PARD3B: variants seen among roughly 807,000 people sequenced by gnomAD.
PARD3B encodes the protein par-3 family cell polarity regulator beta, also known as partitioning defective 3 homolog B.
A neutral mutation model predicts 130.2 loss-of-function variants in PARD3B; 103 were observed. The observed-to-expected ratio is 0.79, with a 90% CI of 0.67 to 0.93. PARD3B has a LOEUF of 0.93. Among genes scored for constraint, PARD3B ranks in the 40% least tolerant of loss-of-function variants. The pLI, the probability that PARD3B is intolerant of heterozygous loss-of-function variation, is 0.00. For synonymous variants in PARD3B, 583 were observed against 553.2 expected (o/e 1.05, Z -0.76); for missense variants, 1,609 against 1,499.2 (o/e 1.07, Z -1.21).
intron 18 of PARD3B, among the ~76,000 whole-genome samples, chr2:205,385,434 G>T (rs1176020366): frequency 6.6e-6 from 1 of 152,220 alleles, no homozygotes; most frequent in Non-Finnish European, 1.5e-5. Context: ...CAAAAACTGT[G>T]TCATTATTTA....
At position 205,059,747 on chromosome 2, in the gene PARD3B, G is replaced by A. The variant is rs548583419; in HGVS notation, c.504+12057G>A. Among the ~76,000 whole-genome samples the A allele has an allele frequency of 3.9e-5, 6 of 152,062 alleles. No homozygotes were observed. The South Asian group carries it at 6.2e-4, about 16-fold the overall frequency. ...AGGAATGGGGGAATTTTCTAATCAC[G>A]ATTGCTCATTTCAACCATGAAGCAA... On this transcript the variant is annotated intron_variant, in intron 4 of 22. Coordinates refer to ENST00000406610, the MANE Select transcript of PARD3B (RefSeq NM_001302769.2).
chr2:204,808,851 A>T (rs2042865366), intron 2 of PARD3B, among the ~76,000 whole-genome samples: 1 of 152,140 alleles, frequency 6.6e-6, no homozygotes, highest in African/African-American at 2.4e-5. Context: ...TATACCCAGT[A>T]ATGGGATTGC....
At chr2:205,392,681 C>T (rs908087019) in intron 18 of PARD3B, among the ~76,000 whole-genome samples, 1 of 152,152 alleles carries the variant, frequency 6.6e-6, no homozygotes, top group East Asian at 1.9e-4. Flanking sequence ...CTTGTGTACA[C>T]ATCCTACAAG....
rs2047904140 is a variant in PARD3B, at chr2:205,446,271, G to A, written c.3044+5599G>A. Among the ~76,000 whole-genome samples the A allele has an allele frequency of 6.6e-6, 1 of 152,162 alleles. No individual in the cohort carries two copies. On this transcript the variant is annotated intron_variant, in intron 20 of 22. Transcript: ENST00000406610. This position sits in a 1 kb window ranked among gnomAD's most constrained non-coding sequence, Gnocchi z 4.4. ...AGAGTTTGGACTCTATCCTGAGGGA[G>A]GTGGGGCAGGGTTTGGGTTGGAGAA... is the stretch of plus-strand genomic sequence containing the variant.
At chr2:204,547,905 A>C (rs1420139874) in intron 1 of PARD3B, among the ~76,000 whole-genome samples, 2 of 152,138 alleles carry the variant, frequency 1.3e-5, no homozygotes, top group African/African-American at 4.8e-5. Flanking sequence ...ATCACAGAAC[A>C]ATGTAGTTGC....
chr2:204,761,520 A>C lies in PARD3B; in HGVS notation c.222+75238A>C, dbSNP rs923968462. On this transcript the variant is annotated intron_variant, in intron 2 of 22. Coordinates refer to ENST00000406610, the MANE Select transcript of PARD3B (RefSeq NM_001302769.2). ...TTGTGTGGCCACTTCTGGGTTGGCTATATTTTCCCATTTATTAAATTCACC... is the reference window on the plus strand; with the variant it reads ...TTGTGTGGCCACTTCTGGGTTGGCTCTATTTTCCCATTTATTAAATTCACC... Among the ~76,000 whole-genome samples, 3 of 151,756 alleles carry C rather than the reference A, an allele frequency of 2.0e-5. No homozygotes were observed. The East Asian group carries it at 5.8e-4, about 29-fold the overall frequency.
At chr2:204,703,475 A>C (rs1011097429) in intron 2 of PARD3B, among the ~76,000 whole-genome samples, 1 of 152,214 alleles carries the variant, frequency 6.6e-6, no homozygotes, top group African/African-American at 2.4e-5. Context: ...TCTTGTAAAA[A>C]TACAGAAAAG....
rs1028460935 is a variant in PARD3B at position 204,623,042 on chromosome 2, C to T, written c.121-63139C>T. Among the ~76,000 whole-genome samples, 5 of 152,030 alleles carry T rather than the reference C, an allele frequency of 3.3e-5. No individual in the cohort carries two copies. Among genetic ancestry groups the T allele is most frequent in the African/African-American group, 7.2e-5 (3 of 41,436 alleles). ...AGAGATGGCAGACTATAAATTGGAT[C>T]TTGAATTCTGAATTACTAGAATAAA... On this transcript the variant is annotated intron_variant, in intron 1 of 22. Transcript: ENST00000406610. The surrounding 1 kb of genome is among the most constrained non-coding windows in gnomAD (Gnocchi z 4.5).
At chr2:204,861,162 TTCTCTCTCTCTCTCTC>T (rs60740602) in intron 2 of PARD3B, among the ~76,000 whole-genome samples, 7,881 of 91,404 alleles carry the variant, frequency 0.086, 293 homozygotes, top group Middle Eastern at 0.12. Flanking sequence ...CCTAATACCT[TTCTCTCTCTCTCTCTC>T]TCTCTCTCTC....
chr2:204,668,486 T>C (rs967771682), intron 1 of PARD3B, among the ~76,000 whole-genome samples: 5 of 152,206 alleles, frequency 3.3e-5, no homozygotes. Flanking sequence ...TGAATTTGAC[T>C]CAACGTTTCC....
intron 3 of PARD3B, among the ~76,000 whole-genome samples, chr2:204,975,811 T>C (rs1692091284): frequency 6.6e-6 from 1 of 152,248 alleles, no homozygotes; most frequent in Admixed American, 6.5e-5. Flanking sequence ...TGTAAACTTA[T>C]CTGTGTTAAG....
At position 205,463,916 on chromosome 2, in the gene PARD3B, G is replaced by T. The variant is rs1027224613; in HGVS notation, c.3044+23244G>T. On this transcript the variant is annotated intron_variant, in intron 20 of 22. Coordinates refer to ENST00000406610, the MANE Select transcript of PARD3B (RefSeq NM_001302769.2). This position sits in a 1 kb window ranked among gnomAD's most constrained non-coding sequence, Gnocchi z 4.8. ...AAATGGACTAGAAAAGTGTTTTATT[G>T]AAGGGATCTTCACTAAAACCTTCAT... 3.9e-5 allele frequency among the ~76,000 whole-genome samples: 6 copies of T among 152,106 alleles called. No individual in the cohort carries two copies. The highest frequency in any genetic ancestry group is 1.4e-4 in the African/African-American group (6 of 41,416).
chr2:205,369,550 C>T, intron 18 of PARD3B, among the ~76,000 whole-genome samples: 1 of 152,190 alleles, frequency 6.6e-6, no homozygotes, highest in East Asian at 1.9e-4. Flanking sequence ...AACTTGTTCT[C>T]CACTTGTAAA....
At chr2:205,227,872 T>G (rs1311692058) in intron 15 of PARD3B, among the ~76,000 whole-genome samples, 1 of 152,132 alleles carries the variant, frequency 6.6e-6, no homozygotes, top group Non-Finnish European at 1.5e-5. Context: ...TGATTTGAGG[T>G]TACCATGAGG....
intron 2 of PARD3B, among the ~76,000 whole-genome samples, chr2:204,715,619 T>A (rs2038682965): frequency 6.6e-6 from 1 of 152,166 alleles, no homozygotes; most frequent in Non-Finnish European, 1.5e-5. Context: ...GAGAAGGCTT[T>A]AGTCATATTC....
chr2:205,304,884 A>G (rs754126251), intron 18 of PARD3B, among the ~76,000 whole-genome samples: 1 of 152,186 alleles, frequency 6.6e-6, no homozygotes, highest in Non-Finnish European at 1.5e-5. Context: ...GGTAGAGGAT[A>G]CAGTGAGCCA....
chr2:204,982,794 A>G (rs1231856272), intron 3 of PARD3B, among the ~76,000 whole-genome samples: 1 of 152,240 alleles, frequency 6.6e-6, no homozygotes, highest in Non-Finnish European at 1.5e-5. Context: ...TTAAATTGGT[A>G]TAGATGTAAA....
At chr2:204,988,442 C>T (rs1039043242) in intron 3 of PARD3B, among the ~76,000 whole-genome samples, 14 of 151,980 alleles carry the variant, frequency 9.2e-5, no homozygotes, top group African/African-American at 3.1e-4. Flanking sequence ...AACATGGTGA[C>T]TATAGTCAAT....
rs1272551799 is a variant in PARD3B at position 205,380,276 on chromosome 2, TA to T, written c.2631-20735del. 2.2e-3 allele frequency among the ~76,000 whole-genome samples: 68 copies of T among 30,634 alleles called. 3 individuals are homozygous for T. The highest frequency in any genetic ancestry group is 7.3e-3 in the African/African-American group (64 of 8,774). 20.1% of individuals were successfully genotyped at this position (30,634 alleles called of 152,430 possible). A position where few individuals can be genotyped will look rare whatever the true frequency, so the allele number is the denominator to read the frequency against. Reference sequence around the variant, plus strand: ...TAATATATAAAGAATATATATTATATAATATATAAAGAATATATATTATATA... The same window carrying T: ...TAATATATAAAGAATATATATTATATATATATAAAGAATATATATTATATA... On this transcript the variant is annotated intron_variant, in intron 18 of 22. Transcript: ENST00000406610.
Sources: allele counts gnomAD v4.1 joint callset (sites outside exome capture counted in the v4.1 genomes callset), GRCh38; gene constraint gnomAD v4.1.1; non-coding constraint Gnocchi (gnomAD v3.1); transcripts MANE v1.5; gene names NCBI Gene and HGNC (gene_info 2026-07-23, HGNC 2026-07-21).